KCNQ1: variants seen among roughly 807,000 people sequenced by gnomAD.
KCNQ1 encodes the protein potassium voltage-gated channel subfamily Q member 1, also known as potassium voltage-gated channel subfamily KQT member 1.
KCNQ1 carries 49 observed loss-of-function variants against 72.4 expected under a neutral mutation model. The ratio of observed to expected loss-of-function variants is 0.68; its 90% confidence interval spans 0.54 to 0.86. KCNQ1 has a LOEUF of 0.86. Among genes scored for constraint, KCNQ1 ranks in the 40% least tolerant of loss-of-function variants. The probability of loss-of-function intolerance (pLI) is 0.00; values close to 1 mark genes in which losing one functional copy is unlikely to be tolerated. For missense variants in KCNQ1, 790 were observed against 945.1 expected (o/e 0.84, Z 2.15); for synonymous variants, 450 against 412.6 (o/e 1.09, Z -1.10).
chr11:2,843,575 C>T (rs1317231146), intron 15 of KCNQ1, among the ~76,000 whole-genome samples: 1 of 152,264 alleles, frequency 6.6e-6, no homozygotes, highest in Non-Finnish European at 1.5e-5. Flanking sequence ...TGTGCCCGGC[C>T]TCTCCCGCCT....
At chr11:2,545,151 G>C (rs867760436) in intron 2 of KCNQ1, among the ~76,000 whole-genome samples, 5 of 152,204 alleles carry the variant, frequency 3.3e-5, no homozygotes, top group Non-Finnish European at 7.3e-5. Context: ...TCATGCTCTA[G>C]TATTCTTTTT....
In KCNQ1 at chr11:2,746,032, G is replaced by A. The variant is rs149658560; in HGVS notation, c.1515-22812G>A. On this transcript the variant is annotated intron_variant, in intron 11 of 15. Transcript: ENST00000155840. This position sits in a 1 kb window ranked among gnomAD's most constrained non-coding sequence, Gnocchi z 5.9. ...AGCCTCCTGAGTAGCTGGGACTACA[G>A]GTGTGCGCCACCACACCTAGCTAAT... 0.041 allele frequency among the ~76,000 whole-genome samples: 6,238 copies of A among 152,250 alleles called. 287 individuals are homozygous for A. The highest frequency in any genetic ancestry group is 0.26 in the East Asian group (1,330 of 5,168).
intron 1 of KCNQ1, among the ~76,000 whole-genome samples, chr11:2,512,814 G>A (rs1214333724): frequency 6.6e-6 from 1 of 152,236 alleles, no homozygotes; most frequent in Non-Finnish European, 1.5e-5. Flanking sequence ...CCACTGAGGA[G>A]GCACCCCTAG....
rs1464692215 is a variant in KCNQ1, at chr11:2,767,722, A to G, written c.1515-1122A>G. On this transcript the variant is annotated intron_variant, in intron 11 of 15. Coordinates refer to ENST00000155840, the MANE Select transcript of KCNQ1 (RefSeq NM_000218.3). This position sits in a 1 kb window ranked among gnomAD's most constrained non-coding sequence, Gnocchi z 4.6. ...CCCCAAAGCTTCTCTCCACAGTGCC[A>G]TGCGTCTACTGAGTACTCTGCTTAG... Among the ~76,000 whole-genome samples the G allele has an allele frequency of 6.6e-6, 1 of 152,220 alleles. No homozygotes were observed. Among genetic ancestry groups the G allele is most frequent in the Non-Finnish European group, 1.5e-5 (1 of 68,038 alleles).
chr11:2,662,460 G>C, intron 11 of KCNQ1: 1 of 474,656 alleles, frequency 2.1e-6, no homozygotes, highest in Non-Finnish European at 3.7e-6. Context: ...CCATGGGGCA[G>C]ATGCCGGGTG....
rs984915440 is a variant in KCNQ1, at chr11:2,651,894, G to A, written c.1394-10067G>A. On this transcript the variant is annotated intron_variant, in intron 10 of 15. Coordinates refer to ENST00000155840, the MANE Select transcript of KCNQ1 (RefSeq NM_000218.3). The surrounding 1 kb of genome is among the most constrained non-coding windows in gnomAD (Gnocchi z 6.1). Reference sequence around the variant, plus strand: ...TGTTCAGGCTGAGGGGGTCATAGCCGAGGGTCCCTCTGGGGCCGCTTGCTC... The same window carrying A: ...TGTTCAGGCTGAGGGGGTCATAGCCAAGGGTCCCTCTGGGGCCGCTTGCTC... 3 of 398,598 alleles carry A rather than the reference G, an allele frequency of 7.5e-6. No homozygotes were observed. Among genetic ancestry groups the A allele is most frequent in the African/African-American group, 4.1e-5 (2 of 48,610 alleles). The allele number at this position is 398,598 out of a possible 1,614,324, so 24.7% of individuals were successfully genotyped here.
In KCNQ1 at chr11:2,623,139, C is replaced by G. The variant is rs1427973423; in HGVS notation, c.1393+34285C>G. 2.5e-5 allele frequency: 10 copies of G among 398,472 alleles called. No individual in the cohort carries two copies. Among genetic ancestry groups the G allele is most frequent in the Non-Finnish European group, 4.4e-5 (10 of 226,122 alleles). The allele number at this position is 398,472 out of a possible 1,614,324, so 24.7% of individuals were successfully genotyped here. A position where few individuals can be genotyped will look rare whatever the true frequency, so the allele number is the denominator to read the frequency against. ...GCACTTCCCATCTCACTTTCTTTCCCTCTCCTGTTCTGCCATGGTAAAGAT... is the reference window on the plus strand; with the variant it reads ...GCACTTCCCATCTCACTTTCTTTCCGTCTCCTGTTCTGCCATGGTAAAGAT... On this transcript the variant is annotated intron_variant, in intron 10 of 15. Transcript: ENST00000155840. The surrounding 1 kb of genome is among the most constrained non-coding windows in gnomAD (Gnocchi z 5.2).
At chr11:2,448,617 G>C (rs1033387425) in intron 1 of KCNQ1, among the ~76,000 whole-genome samples, 1 of 152,254 alleles carries the variant, frequency 6.6e-6, no homozygotes, top group Admixed American at 6.5e-5. Context: ...AGGTGGTGGG[G>C]CTGGGCACAG....
chr11:2,496,044 G>A (rs1846908975), intron 1 of KCNQ1, among the ~76,000 whole-genome samples: 1 of 152,120 alleles, frequency 6.6e-6, no homozygotes, highest in Non-Finnish European at 1.5e-5. Flanking sequence ...ATTTATTTAG[G>A]ATAGTTAGCT....
rs1351899006 is a variant in KCNQ1, at chr11:2,831,041, CCT to C, written c.1795-16725_1795-16724del. Among the ~76,000 whole-genome samples, 7 of 152,356 alleles carry C rather than the reference CCT, an allele frequency of 4.6e-5. No individual in the cohort carries two copies. In the South Asian group the frequency reaches 1.0e-3, roughly 23 times the overall value. ...ACCCCAGCACCCGCCCAATGGGCCC[CCT>C]GAGGGAAGCTGCCCATGCTCTCTGC... is the stretch of plus-strand genomic sequence containing the variant. On this transcript the variant is annotated intron_variant, in intron 15 of 15. Transcript: ENST00000155840.
chr11:2,641,122 T>C (rs1849569624), intron 10 of KCNQ1: 1 of 398,544 alleles, frequency 2.5e-6, no homozygotes, highest in Non-Finnish European at 4.4e-6. Flanking sequence ...AGTGCTGCAA[T>C]AAACACGGGG....
At chr11:2,777,450 C>A (rs1846728346) in intron 14 of KCNQ1, 2 of 527,744 alleles carry the variant, frequency 3.8e-6, no homozygotes, top group African/African-American at 1.9e-5. Context: ...CTGGCTGCAG[C>A]CTGGGGGCTG....
intron 1 of KCNQ1, among the ~76,000 whole-genome samples, chr11:2,455,014 T>A (rs1324869997): frequency 6.6e-6 from 1 of 151,764 alleles, no homozygotes; most frequent in African/African-American, 2.4e-5. Flanking sequence ...ATTCTATACC[T>A]AGAAAACCCT....
chr11:2,822,036 G>A (rs1847748798), intron 15 of KCNQ1, among the ~76,000 whole-genome samples: 1 of 152,220 alleles, frequency 6.6e-6, no homozygotes. Context: ...GAGGCAGGAG[G>A]GTCAGTCAGC....
chr11:2,635,524 C>A (rs1283364100), intron 10 of KCNQ1: 1 of 152,164 alleles, frequency 6.6e-6, no homozygotes, highest in Non-Finnish European at 1.5e-5. Flanking sequence ...GGGCTCTGTT[C>A]TGTTCCATTG....
rs1002895645 is a variant in KCNQ1 at position 2,571,883 on chromosome 11, C to A, written c.684-130C>A. The A allele has an allele frequency of 8.1e-6, 6 of 739,638 alleles. No homozygotes were observed. In the African/African-American group the frequency reaches 8.7e-5, roughly 11 times the overall value. 45.8% of individuals were successfully genotyped at this position (739,638 alleles called of 1,614,324 possible). On this transcript the variant is annotated intron_variant, in intron 4 of 15. Transcript: ENST00000155840. The stretch of plus-strand genomic sequence containing the variant: ...CCTGTCGGGATGGACATATACCCAG[C>A]CTCCCCACCCAGAGTGGACGCCTGG...
intron 2 of KCNQ1, among the ~76,000 whole-genome samples, chr11:2,532,549 T>G (rs1310066319): frequency 2.0e-5 from 3 of 152,158 alleles, no homozygotes; most frequent in Non-Finnish European, 4.4e-5. Context: ...GGCCTGGCCT[T>G]GACAGGCGGA....
Position 2,541,750 on chromosome 11 carries a change from G to A in KCNQ1, c.477+13732G>A, listed in dbSNP as rs563584217. Reference sequence around the variant, plus strand: ...AGGACATCTGTTAGACCACTTAGGAGTTCTAGAACCTTTGGAAAACCCCCT... The same window carrying A: ...AGGACATCTGTTAGACCACTTAGGAATTCTAGAACCTTTGGAAAACCCCCT... On this transcript the variant is annotated intron_variant, in intron 2 of 15. Transcript: ENST00000155840. This position sits in a 1 kb window ranked among gnomAD's most constrained non-coding sequence, Gnocchi z 4.8. Among the ~76,000 whole-genome samples, 116 of 150,988 alleles carry A rather than the reference G, an allele frequency of 7.7e-4. No homozygotes were observed. The highest frequency in any genetic ancestry group is 1.4e-3 in the Non-Finnish European group (92 of 67,854).
chr11:2,699,445 A>AGGAGCCGCCGGGAGAGTGCCGCG (rs1850736023), intron 11 of KCNQ1: 3 of 402,278 alleles, frequency 7.5e-6, no homozygotes, highest in East Asian at 7.4e-5. Context: ...GGAGAACCGC[A>AGGAGCCGCCGGGAGAGTGCCGCG]CTGAGGAGCC....
Sources: allele counts gnomAD v4.1 joint callset (sites outside exome capture counted in the v4.1 genomes callset), GRCh38; gene constraint gnomAD v4.1.1; non-coding constraint Gnocchi (gnomAD v3.1); transcripts MANE v1.5; gene names NCBI Gene and HGNC (gene_info 2026-07-23, HGNC 2026-07-21).